METTL21A: variants seen among roughly 807,000 people sequenced by gnomAD.
The protein encoded by METTL21A is methyltransferase 21A, HSPA lysine.
METTL21A carries 22 observed loss-of-function variants against 20.9 expected under a neutral mutation model. The ratio of observed to expected loss-of-function variants is 1.05; its 90% CI spans 0.75 to 1.50. The LOEUF (loss-of-function observed/expected upper bound fraction) is 1.50. Ranked by LOEUF, METTL21A falls within the 40% of genes most tolerant of loss-of-function variation. METTL21A has a pLI of 0.00. For synonymous variants in METTL21A, 93 were observed against 102.0 expected (o/e 0.91, Z 0.53); for missense variants, 271 against 266.8 (o/e 1.02, Z -0.11).
chr2:207,598,394 C>G (rs1465931545), intron 3 of METTL21A: 4 of 181,086 alleles, frequency 2.2e-5, no homozygotes, highest in African/African-American at 9.5e-5. Context: ...TTAAAACAGT[C>G]TGTATTTGTG....
At chr2:207,602,784 T>A (rs1279820746) in intron 3 of METTL21A, 1 of 215,364 alleles carries the variant, frequency 4.6e-6, no homozygotes. Context: ...GTCAACATTT[T>A]TTTTGAGTAT....
intron 3 of METTL21A, among the ~76,000 whole-genome samples, chr2:207,586,976 A>G (rs1396058143): frequency 6.6e-6 from 1 of 152,250 alleles, no homozygotes; most frequent in African/African-American, 2.4e-5. Context: ...AAAGACAAGA[A>G]GTAAACACTG....
rs146501770 is a variant in METTL21A at position 207,603,887 on chromosome 2, A to G, written c.259+17919T>C. ...ATCTCCTATACTATTAACTTCTGAA[A>G]TAAGTTCTGAGACGAGACATCTGAA... On this transcript the variant is annotated intron_variant, in intron 3 of 3. Transcript: ENST00000425132. Among the ~76,000 whole-genome samples the G allele has an allele frequency of 2.9e-3, 444 of 152,336 alleles. 3 individuals are homozygous for G. Among genetic ancestry groups the G allele is most frequent in the Middle Eastern group, 0.01 (3 of 294 alleles).
chr2:207,588,308 A>G (rs1034913261), intron 3 of METTL21A, among the ~76,000 whole-genome samples: 2 of 152,096 alleles, frequency 1.3e-5, no homozygotes, highest in Non-Finnish European at 1.5e-5. Flanking sequence ...TTCTTTCTCT[A>G]TTGAATTGCC....
chr2:207,603,216 G>T (rs2087409275), intron 3 of METTL21A: 1 of 217,518 alleles, frequency 4.6e-6, no homozygotes, highest in Admixed American at 5.8e-5. Flanking sequence ...AAAATGTACT[G>T]AGTTACAATG....
chr2:207,621,706 C>A, intron 3 of METTL21A, 100 bp downstream of exon 3: 7 of 1,016,648 alleles, frequency 6.9e-6, no homozygotes, highest in African/African-American at 1.6e-5. Context: ...AGATAATAAC[C>A]CAGTAAGGGG....
At chr2:207,619,665 G>A (rs1032498138) in intron 3 of METTL21A, among the ~76,000 whole-genome samples, 7 of 152,120 alleles carry the variant, frequency 4.6e-5, no homozygotes, top group African/African-American at 9.7e-5. Flanking sequence ...TAAAAATACA[G>A]ATGGAGAGAA....
chr2:207,617,386 G>GA lies in METTL21A; in HGVS notation c.260-3944dup, dbSNP rs201567180. 2.9e-3 allele frequency among the ~76,000 whole-genome samples: 439 copies of GA among 152,228 alleles called. 4 individuals carry two copies. Among genetic ancestry groups the GA allele is most frequent in the East Asian group, 2.1e-3 (11 of 5,176 alleles). ...TTCTTCAAGAGGAGCAGAGGTCAAA[G>GA]AAAAAATCCCAAAGGAAGGGAAATC... On this transcript the variant is annotated intron_variant, in intron 3 of 3. Transcript: ENST00000406927.
intron 2 of METTL21A, among the ~76,000 whole-genome samples, chr2:207,622,491 A>G (rs981687499): frequency 1.3e-5 from 2 of 152,168 alleles, no homozygotes; most frequent in Non-Finnish European, 2.9e-5. Flanking sequence ...GTGTCACAGC[A>G]CTTTTATGCT....
At chr2:207,599,391 T>C (rs1346017643) in intron 3 of METTL21A, 2 of 206,612 alleles carry the variant, frequency 9.7e-6, no homozygotes, top group African/African-American at 2.3e-5. Context: ...AATTGCCTGA[T>C]GTTTAGCAGT....
At chr2:207,599,621 C>T in intron 3 of METTL21A, 1 of 200,118 alleles carries the variant, frequency 5.0e-6, no homozygotes. Flanking sequence ...GTTGCTAAAT[C>T]TGTCTTAGAC....
intron 3 of METTL21A, chr2:207,600,180 G>A (rs2086787817): frequency 5.7e-6 from 1 of 175,060 alleles, no homozygotes; most frequent in Non-Finnish European, 1.2e-5. Context: ...TATTGTCATA[G>A]GTGCTCTCTT....
chr2:207,621,969 G>A, intron 2 of METTL21A, 52 bp from the exon 3 acceptor site: 1 of 1,523,508 alleles, frequency 6.6e-7, no homozygotes, highest in Non-Finnish European at 9.1e-7. Context: ...TGCTTGAGTA[G>A]CTGCAGGGTT....
chr2:207,582,588 T>C (rs963863351), intron 3 of METTL21A, among the ~76,000 whole-genome samples: 10 of 152,206 alleles, frequency 6.6e-5, no homozygotes, highest in Non-Finnish European at 1.5e-4. Flanking sequence ...TTTAAGCACA[T>C]CTTTACTTTC....
chr2:207,615,493 C>T (rs962287867), intron 3 of METTL21A, among the ~76,000 whole-genome samples: 2 of 151,776 alleles, frequency 1.3e-5, no homozygotes, highest in Admixed American at 6.6e-5. Context: ...GTCAAGAGAT[C>T]GAGACTATCC....
At chr2:207,580,930 C>T (rs2082885019), downstream of METTL21A, 1 of 217,412 alleles carries the variant, frequency 4.6e-6, no homozygotes, top group East Asian at 6.8e-5. Flanking sequence ...GTTACATCTA[C>T]TCGTGATCTG....
At chr2:207,621,689 A>G in intron 3 of METTL21A, 117 bp downstream of exon 3, 1 of 865,300 alleles carries the variant, frequency 1.2e-6, no homozygotes, top group South Asian at 1.5e-5. Context: ...TCATAAGTAT[A>G]AGCAAAAGAT....
intron 3 of METTL21A, among the ~76,000 whole-genome samples, chr2:207,595,276 G>T (rs1258367240): frequency 6.6e-6 from 1 of 152,010 alleles, no homozygotes; most frequent in Non-Finnish European, 1.5e-5. Flanking sequence ...TTACAGGCAT[G>T]AGCCACCGCA....
chr2:207,590,116 C>G (rs1445555835), intron 3 of METTL21A, among the ~76,000 whole-genome samples: 2 of 103,298 alleles, frequency 1.9e-5, no homozygotes, highest in African/African-American at 7.6e-5. Context: ...TTAATAGATA[C>G]GGGATCATTC....
Sources: allele counts gnomAD v4.1 joint callset (sites outside exome capture counted in the v4.1 genomes callset), GRCh38; gene constraint gnomAD v4.1.1; transcripts MANE v1.5; gene names NCBI Gene and HGNC (gene_info 2026-07-23, HGNC 2026-07-21).